The following KCNJ16 variants were observed in gnomAD, a reference collection of about 807,000 sequenced individuals.
The protein encoded by KCNJ16 is potassium inwardly rectifying channel subfamily J member 16.
In KCNJ16, 15 loss-of-function variants were observed where a neutral mutation model predicts 18.5. The observed-to-expected ratio is 0.81, with a 90% confidence interval of 0.54 to 1.25. KCNJ16 has a LOEUF of 1.25. KCNJ16 is among the 50% of genes most tolerant of loss of function. KCNJ16 has a pLI of 0.00. For synonymous variants in KCNJ16, 174 were observed against 186.5 expected (o/e 0.93, Z 0.55); for missense variants, 523 against 525.7 (o/e 0.99, Z 0.05).
chr17:70,124,246 G>C (rs745315347), intron 2 of KCNJ16, among the ~76,000 whole-genome samples: 1 of 152,170 alleles, frequency 6.6e-6, no homozygotes, highest in Non-Finnish European at 1.5e-5. Flanking sequence ...CCTTGCTCCA[G>C]GCCCTTCTCC....
At position 70,133,068 on chromosome 17, in the gene KCNJ16, G is replaced by A; in HGVS notation, c.981G>A (p.Gln327=). ...AGTATTACAAAGTGAACTGCTTACA[G>A]TTTGAAGGAAGTGTGGAAGTATATG... ...KRKYYKVNCL[Q]FEGSVEVYAP... is the part of the protein sequence containing the mutation. The change falls in exon 4 of 4, where the codon CAG becomes CAA. Residue 327 remains glutamine, a synonymous_variant. Transcript: ENST00000392671. 1 of 1,614,174 alleles carries A rather than the reference G, an allele frequency of 6.2e-7. No homozygotes were observed. Among genetic ancestry groups the A allele is most frequent in the Non-Finnish European group, 8.5e-7 (1 of 1,180,032 alleles).
intron 2 of KCNJ16, among the ~76,000 whole-genome samples, chr17:70,124,714 A>C (rs948420602): frequency 2.0e-5 from 3 of 152,244 alleles, no homozygotes; most frequent in Non-Finnish European, 2.9e-5. Flanking sequence ...CGTCTTAGTA[A>C]AACATGTACA....
intron 2 of KCNJ16, among the ~76,000 whole-genome samples, chr17:70,105,771 A>G (rs1484393229): frequency 6.6e-6 from 1 of 152,184 alleles, no homozygotes; most frequent in African/African-American, 2.4e-5. Context: ...TATGGAGTAA[A>G]TAACACCTAC....
intron 2 of KCNJ16, among the ~76,000 whole-genome samples, chr17:70,123,061 T>C (rs1461931874): frequency 6.6e-6 from 1 of 152,228 alleles, no homozygotes; most frequent in Admixed American, 6.5e-5. Flanking sequence ...GGCATGATCT[T>C]GTTCAAATGC....
chr17:70,109,354 T>C (rs1361079841), intron 2 of KCNJ16, among the ~76,000 whole-genome samples: 2 of 152,190 alleles, frequency 1.3e-5, no homozygotes, highest in Non-Finnish European at 2.9e-5. Flanking sequence ...ATGCCTGGCA[T>C]GTAAGAAGTG....
intron 2 of KCNJ16, among the ~76,000 whole-genome samples, chr17:70,121,099 C>T (rs1328511278): frequency 1.3e-5 from 2 of 152,054 alleles, no homozygotes; most frequent in Admixed American, 6.5e-5. Flanking sequence ...CCACTTACCC[C>T]TTCTGGGATA....
chr17:70,130,231 C>T (rs2074009100), intron 2 of KCNJ16, among the ~76,000 whole-genome samples: 1 of 152,114 alleles, frequency 6.6e-6, no homozygotes, highest in Non-Finnish European at 1.5e-5. Flanking sequence ...TGTTCAATGA[C>T]AAGTCAGACA....
chr17:70,113,848 T>C (rs1373918125), intron 2 of KCNJ16, among the ~76,000 whole-genome samples: 2 of 152,010 alleles, frequency 1.3e-5, no homozygotes, highest in Admixed American at 6.6e-5. Flanking sequence ...AAAAAAAACA[T>C]GGAAATTCAA....
chr17:70,096,371 T>C (rs1319146924), intron 1 of KCNJ16, among the ~76,000 whole-genome samples: 2 of 152,212 alleles, frequency 1.3e-5, no homozygotes, highest in East Asian at 1.9e-4. Flanking sequence ...GAGAAATATG[T>C]GGTCTCTCAT....
At chr17:70,077,050 ACGTAGAATCCT>A (rs1026615545) in intron 1 of KCNJ16, among the ~76,000 whole-genome samples, 1 of 152,170 alleles carries the variant, frequency 6.6e-6, no homozygotes, top group Admixed American at 6.6e-5. Context: ...GAAGTGAGCA[ACGTAGAATCCT>A]TGGAGAAGAG....
At chr17:70,127,806 T>C (rs1478092448) in intron 2 of KCNJ16, among the ~76,000 whole-genome samples, 2 of 152,222 alleles carry the variant, frequency 1.3e-5, no homozygotes, top group African/African-American at 2.4e-5. Context: ...ACTTCATGTG[T>C]TAACTACCTC....
intron 2 of KCNJ16, among the ~76,000 whole-genome samples, chr17:70,103,299 T>C (rs1470014681): frequency 7.4e-4 from 15 of 20,192 alleles, no homozygotes; most frequent in East Asian, 4.9e-3. Flanking sequence ...TGTGTGTGTA[T>C]ATATATATAT....
intron 1 of KCNJ16, among the ~76,000 whole-genome samples, chr17:70,093,290 T>C (rs981424896): frequency 6.6e-6 from 1 of 151,896 alleles, no homozygotes; most frequent in Non-Finnish European, 1.5e-5. Flanking sequence ...CAAGGTGTAG[T>C]GTTGGGAGGG....
At chr17:70,092,244 T>A (rs548562404) in intron 1 of KCNJ16, among the ~76,000 whole-genome samples, 1 of 152,294 alleles carries the variant, frequency 6.6e-6, no homozygotes, top group South Asian at 2.1e-4. Context: ...GAATAAACCA[T>A]ATATGCAAGT....
intron 1 of KCNJ16, among the ~76,000 whole-genome samples, chr17:70,081,168 C>A (rs1255211741): frequency 2.0e-5 from 3 of 152,096 alleles, no homozygotes; most frequent in Non-Finnish European, 4.4e-5. Context: ...ATCAAGAATG[C>A]TCTTTATTTT....
intron 1 of KCNJ16, among the ~76,000 whole-genome samples, chr17:70,080,301 G>A (rs985522101): frequency 1.1e-4 from 16 of 152,140 alleles, no homozygotes; most frequent in African/African-American, 3.4e-4. Flanking sequence ...GATTAACATC[G>A]TATACCTTTT....
intron 1 of KCNJ16, among the ~76,000 whole-genome samples, chr17:70,093,912 A>G (rs7207528): frequency 0.85 from 128,128 of 151,062 alleles, 54,422 homozygotes; most frequent in East Asian, 0.96. Context: ...ATCTTAGTAC[A>G]GATAACAAAA....
intron 2 of KCNJ16, chr17:70,101,955 T>C (rs1041666553): frequency 1.3e-5 from 2 of 152,130 alleles, no homozygotes; most frequent in African/African-American, 4.8e-5. Flanking sequence ...TGTTGTTTTA[T>C]ATGATTATAA....
chr17:70,078,753 A>G (rs1361424285), intron 1 of KCNJ16, among the ~76,000 whole-genome samples: 1 of 152,212 alleles, frequency 6.6e-6, no homozygotes, highest in African/African-American at 2.4e-5. Context: ...TAAATAATTA[A>G]GAGCCATGCA....
Sources: gnomAD v4.1 joint callset for allele counts (sites outside exome capture counted in the v4.1 genomes callset) on GRCh38, gnomAD v4.1.1 for gene constraint, MANE v1.5 for transcripts, NCBI Gene and HGNC (gene_info 2026-07-23, HGNC 2026-07-21) for gene names.